SMYD3: variants seen among roughly 807,000 people sequenced by gnomAD.
SMYD3 encodes histone-lysine N-methyltransferase SMYD3.
In SMYD3, 36 loss-of-function variants were observed where a neutral mutation model predicts 57.7. That is an observed-to-expected ratio of 0.62 (90% CI 0.48 to 0.82). The LOEUF (loss-of-function observed/expected upper bound fraction) is 0.82. Among genes scored for constraint, SMYD3 ranks in the 40% least tolerant of loss-of-function variants. The pLI is 0.00. For missense variants in SMYD3, 515 were observed against 538.8 expected (o/e 0.96, Z 0.44); for synonymous variants, 211 against 195.0 (o/e 1.08, Z -0.68).
chr1:245,851,293 A>G (rs2050962612), intron 10 of SMYD3, among the ~76,000 whole-genome samples: 1 of 152,176 alleles, frequency 6.6e-6, no homozygotes, highest in Non-Finnish European at 1.5e-5. Flanking sequence ...TGTTTCGTTT[A>G]CCACAGTGCA....
intron 5 of SMYD3, among the ~76,000 whole-genome samples, chr1:246,062,829 GA>G (rs1205819805): frequency 6.6e-6 from 1 of 151,984 alleles, no homozygotes; most frequent in Non-Finnish European, 1.5e-5. Context: ...AAGGTATGTT[GA>G]AAAAAATTAG....
intron 5 of SMYD3, among the ~76,000 whole-genome samples, chr1:245,959,472 TAGAC>T (rs1405323502): frequency 1.3e-5 from 2 of 152,224 alleles, no homozygotes; most frequent in African/African-American, 4.8e-5. Context: ...TGATTTTTGG[TAGAC>T]AGTCCCAAAA....
At chr1:245,895,894 T>G (rs2053748407) in intron 8 of SMYD3, among the ~76,000 whole-genome samples, 1 of 152,024 alleles carries the variant, frequency 6.6e-6, no homozygotes, top group African/African-American at 2.4e-5. Flanking sequence ...GAAAAAGAGT[T>G]TTTCTAAAAA....
At chr1:245,932,178 T>C (rs759726692) in intron 5 of SMYD3, among the ~76,000 whole-genome samples, 3 of 152,212 alleles carry the variant, frequency 2.0e-5, no homozygotes, top group Non-Finnish European at 4.4e-5. Flanking sequence ...CAAACACATC[T>C]GATCTGTTAA....
intron 1 of SMYD3, among the ~76,000 whole-genome samples, chr1:246,397,037 G>C (rs1269250971): frequency 6.6e-6 from 1 of 152,204 alleles, no homozygotes; most frequent in Non-Finnish European, 1.5e-5. Context: ...GGAATCCTTA[G>C]GATGGGTATG....
chr1:246,286,534 C>A (rs1329345622), intron 5 of SMYD3, among the ~76,000 whole-genome samples: 1 of 152,196 alleles, frequency 6.6e-6, no homozygotes, highest in Non-Finnish European at 1.5e-5. Context: ...CTCAAACTCT[C>A]AGAAAATTAG....
chr1:246,383,611 A>C (rs1022657125), intron 1 of SMYD3, among the ~76,000 whole-genome samples: 1 of 152,242 alleles, frequency 6.6e-6, no homozygotes, highest in African/African-American at 2.4e-5. Context: ...AGGCAGCAAG[A>C]GGTAATACAT....
intron 5 of SMYD3, among the ~76,000 whole-genome samples, chr1:245,990,497 T>C (rs1025551925): frequency 6.6e-6 from 1 of 152,234 alleles, no homozygotes; most frequent in African/African-American, 2.4e-5. Context: ...GGATCTGACA[T>C]GGTTTCAGTG....
rs558291137 is a variant in SMYD3, at chr1:246,124,856, C to T, written c.532-194919G>A. ...TTTTCTACTTAAAACAAAATCTGGG[C>T]GGATCATGAGGTCAGGAGATTGAGA... On this transcript the variant is annotated intron_variant, in intron 5 of 11. Transcript: ENST00000490107. 8.6e-5 allele frequency among the ~76,000 whole-genome samples: 13 copies of T among 152,008 alleles called. No homozygotes were observed. The East Asian group carries it at 1.4e-3, about 16-fold the overall frequency.
At position 246,445,667 on chromosome 1, in the gene SMYD3, T is replaced by A. The variant is rs146381677; in HGVS notation, c.164+61387A>T. Among the ~76,000 whole-genome samples, 5 of 152,278 alleles carry A rather than the reference T, an allele frequency of 3.3e-5. No homozygotes were observed. In the East Asian group the frequency reaches 9.7e-4, roughly 29 times the overall value. ...AAAACCCCTACAGCTGTTAAGACAGTCTTTTGCAAACCAAGAGATTAGGAA... is the reference window on the plus strand; with the variant it reads ...AAAACCCCTACAGCTGTTAAGACAGACTTTTGCAAACCAAGAGATTAGGAA... On this transcript the variant is annotated intron_variant, in intron 1 of 11. Coordinates refer to ENST00000490107, the MANE Select transcript of SMYD3 (RefSeq NM_001167740.2).
At chr1:245,890,126 T>G (rs948409153) in intron 8 of SMYD3, among the ~76,000 whole-genome samples, 5 of 152,076 alleles carry the variant, frequency 3.3e-5, no homozygotes, top group Non-Finnish European at 7.4e-5. Flanking sequence ...ACTACGAAAC[T>G]ACTAAAAGAA....
At chr1:246,166,124 ACTAT>A (rs2062206268) in intron 5 of SMYD3, among the ~76,000 whole-genome samples, 1 of 151,494 alleles carries the variant, frequency 6.6e-6, no homozygotes, top group Non-Finnish European at 1.5e-5. Flanking sequence ...GAAGAAAAGC[ACTAT>A]CTGTTTTCTT....
intron 5 of SMYD3, among the ~76,000 whole-genome samples, chr1:245,978,316 G>A (rs570057690): frequency 1.9e-4 from 29 of 152,152 alleles, no homozygotes; most frequent in Non-Finnish European, 3.5e-4. Context: ...AACAGTAGGC[G>A]CTCAAAAAAC....
chr1:245,825,102 T>C (rs992005801), intron 10 of SMYD3, among the ~76,000 whole-genome samples: 2 of 152,144 alleles, frequency 1.3e-5, no homozygotes, highest in Non-Finnish European at 2.9e-5. Context: ...GACGTGTTAC[T>C]CTCAGAGTAG....
chr1:246,382,516 C>T (rs537787183), intron 1 of SMYD3, among the ~76,000 whole-genome samples: 3 of 152,048 alleles, frequency 2.0e-5, no homozygotes, highest in South Asian at 4.1e-4. Context: ...GACCAAGCCC[C>T]GTGGACCCAG....
intron 5 of SMYD3, among the ~76,000 whole-genome samples, chr1:246,054,726 T>C (rs2060119127): frequency 6.6e-6 from 1 of 151,734 alleles, no homozygotes; most frequent in Non-Finnish European, 1.5e-5. Context: ...GGGTGAGGGA[T>C]AGACTGAAAA....
chr1:245,929,534 T>C (rs1164208495), intron 6 of SMYD3, among the ~76,000 whole-genome samples: 1 of 152,178 alleles, frequency 6.6e-6, no homozygotes, highest in Non-Finnish European at 1.5e-5. Flanking sequence ...GAAATCAGCA[T>C]GTGCTGCAGC....
intron 5 of SMYD3, among the ~76,000 whole-genome samples, chr1:246,227,471 C>T (rs1266209524): frequency 2.6e-5 from 4 of 151,990 alleles, no homozygotes; most frequent in African/African-American, 7.3e-5. Context: ...AAAAATTAAC[C>T]GGGTGTGGTG....
At chr1:246,022,017 T>G (rs891139510) in intron 5 of SMYD3, among the ~76,000 whole-genome samples, 2 of 152,200 alleles carry the variant, frequency 1.3e-5, no homozygotes, top group Non-Finnish European at 2.9e-5. Context: ...GCTGGAAACA[T>G]GAACATCCAC....
Sources: allele counts gnomAD v4.1 joint callset (sites outside exome capture counted in the v4.1 genomes callset), GRCh38; gene constraint gnomAD v4.1.1; transcripts MANE v1.5; gene names NCBI Gene and HGNC (gene_info 2026-07-23, HGNC 2026-07-21).